Variants in GRM8 observed in about 807,000 individuals in gnomAD.
GRM8 encodes the protein glutamate metabotropic receptor 8, also known as metabotropic glutamate receptor 8.
A neutral mutation model predicts 87.2 loss-of-function variants in GRM8; 47 were observed. The observed-to-expected ratio is 0.54, with a 90% confidence interval of 0.43 to 0.69. The LOEUF is 0.69. Ranked by LOEUF, GRM8 falls within the 30% of genes least tolerant of loss-of-function variation. GRM8 has a pLI of 0.00. For missense variants in GRM8, 1,019 were observed against 1,139.2 expected (o/e 0.89, Z 1.52); for synonymous variants, 396 against 404.5 (o/e 0.98, Z 0.25).
At chr7:126,497,011 T>A (rs560900669) in intron 9 of GRM8, among the ~76,000 whole-genome samples, 2 of 150,288 alleles carry the variant, frequency 1.3e-5, no homozygotes, top group South Asian at 4.2e-4. Flanking sequence ...AATAACCAAT[T>A]TTAATCCCTT....
At chr7:126,601,328 T>C (rs1797739130) in intron 8 of GRM8, among the ~76,000 whole-genome samples, 1 of 152,128 alleles carries the variant, frequency 6.6e-6, no homozygotes, top group African/African-American at 2.4e-5. Context: ...ATCCAGTCTA[T>C]CGTTGTTGGA....
intron 8 of GRM8, among the ~76,000 whole-genome samples, chr7:126,579,580 T>A (rs1461583002): frequency 6.6e-6 from 1 of 152,152 alleles, no homozygotes; most frequent in African/African-American, 2.4e-5. Context: ...AGGCAGAACA[T>A]GTCATCATTG....
At chr7:126,662,606 A>T (rs1377648709) in intron 7 of GRM8, among the ~76,000 whole-genome samples, 4 of 152,254 alleles carry the variant, frequency 2.6e-5, no homozygotes, top group African/African-American at 9.6e-5. Flanking sequence ...TTTCATGAGG[A>T]TTTGTGCAAA....
chr7:127,015,691 C>T (rs1479559649), intron 3 of GRM8, among the ~76,000 whole-genome samples: 1 of 152,006 alleles, frequency 6.6e-6, no homozygotes, highest in East Asian at 1.9e-4. Context: ...AGAGAATGTT[C>T]CTTATATACA....
chr7:126,854,392 T>C (rs1408928700), intron 6 of GRM8, among the ~76,000 whole-genome samples: 2 of 152,204 alleles, frequency 1.3e-5, no homozygotes, highest in African/African-American at 4.8e-5. Context: ...TTACTTTCAC[T>C]TGGATGGTTT....
chr7:127,100,626 C>T (rs74974798), intron 3 of GRM8, among the ~76,000 whole-genome samples: 36 of 152,310 alleles, frequency 2.4e-4, no homozygotes, highest in African/African-American at 7.2e-4. Flanking sequence ...GACAAAGTCA[C>T]GTCTTACATG....
chr7:127,189,870 C>A (rs1412709155), intron 2 of GRM8, among the ~76,000 whole-genome samples: 1 of 152,184 alleles, frequency 6.6e-6, no homozygotes, highest in African/African-American at 2.4e-5. Context: ...AAATACAAGT[C>A]AACATATTTT....
At chr7:127,102,182 G>A (rs532901368) in intron 3 of GRM8, among the ~76,000 whole-genome samples, 1 of 152,314 alleles carries the variant, frequency 6.6e-6, no homozygotes, top group East Asian at 1.9e-4. Context: ...TATCAGATGT[G>A]GGAGCAAAGG....
chr7:126,606,997 T>C (rs559173208), intron 8 of GRM8, among the ~76,000 whole-genome samples: 9 of 152,358 alleles, frequency 5.9e-5, no homozygotes, highest in African/African-American at 2.2e-4. Flanking sequence ...AAATCCCTAA[T>C]CATCAGAATA....
At chr7:126,714,278 AAAT>A (rs143180604) in intron 7 of GRM8, among the ~76,000 whole-genome samples, 34,594 of 136,748 alleles carry the variant, frequency 0.25, 4,454 homozygotes, top group East Asian at 0.41. Flanking sequence ...ACTCCATCTC[AAAT>A]AATAATAATA....
At chr7:126,700,820 C>A (rs1013974004) in intron 7 of GRM8, among the ~76,000 whole-genome samples, 1 of 152,148 alleles carries the variant, frequency 6.6e-6, no homozygotes, top group Non-Finnish European at 1.5e-5. Flanking sequence ...AACAAGTCAT[C>A]TGAAACAACA....
At chr7:127,060,503 G>T (rs1820498146) in intron 3 of GRM8, among the ~76,000 whole-genome samples, 1 of 152,000 alleles carries the variant, frequency 6.6e-6, no homozygotes, top group Admixed American at 6.5e-5. Context: ...AGGATAGTAA[G>T]AAACAAGATA....
At chr7:126,617,276 C>T (rs1471787203) in intron 7 of GRM8, among the ~76,000 whole-genome samples, 1 of 152,154 alleles carries the variant, frequency 6.6e-6, no homozygotes, top group African/African-American at 2.4e-5. Context: ...AGACAAAAGC[C>T]ACATGATTAT....
chr7:126,565,840 A>G (rs2150971603), intron 8 of GRM8, among the ~76,000 whole-genome samples: 1 of 152,308 alleles, frequency 6.6e-6, no homozygotes, highest in South Asian at 2.1e-4. Flanking sequence ...ATACAGACAT[A>G]TAAGCCAATA....
intron 3 of GRM8, among the ~76,000 whole-genome samples, chr7:126,989,966 G>C (rs551919747): frequency 2.6e-5 from 4 of 152,036 alleles, no homozygotes; most frequent in South Asian, 2.1e-4. Context: ...AAAAATGGGG[G>C]ATAGGAAGGC....
chr7:126,786,740 CAAT>C (rs1010655505), intron 6 of GRM8, among the ~76,000 whole-genome samples: 6 of 152,062 alleles, frequency 3.9e-5, no homozygotes, highest in African/African-American at 1.2e-4. Context: ...TCTTATACTC[CAAT>C]AATATTATAA....
chr7:126,852,440 C>T (rs140331739), intron 6 of GRM8, among the ~76,000 whole-genome samples: 3 of 152,236 alleles, frequency 2.0e-5, no homozygotes, highest in African/African-American at 4.8e-5. Flanking sequence ...GCTGGAAGGG[C>T]CACAGGTTGT....
intron 3 of GRM8, among the ~76,000 whole-genome samples, chr7:126,973,703 T>A (rs1810664061): frequency 6.6e-6 from 1 of 152,228 alleles, no homozygotes; most frequent in East Asian, 1.9e-4. Context: ...TCATTGATTC[T>A]AAGATGCCAT....
chr7:126,464,465 A>T (rs898895460), intron 9 of GRM8, among the ~76,000 whole-genome samples: 1 of 151,658 alleles, frequency 6.6e-6, no homozygotes, highest in East Asian at 1.9e-4. Context: ...GCCTATTTAC[A>T]TTCAATGTTA....
Sources: allele counts gnomAD v4.1 joint callset (sites outside exome capture counted in the v4.1 genomes callset), GRCh38; gene constraint gnomAD v4.1.1; transcripts MANE v1.5; gene names NCBI Gene and HGNC (gene_info 2026-07-23, HGNC 2026-07-21).